AUTS2: variants seen among roughly 807,000 people sequenced by gnomAD.
AUTS2 encodes the protein activator of transcription and developmental regulator AUTS2, also known as autism susceptibility gene 2 protein.
Under a neutral mutation model 112.4 loss-of-function variants are expected in AUTS2, and 17 were observed. The ratio of observed to expected loss-of-function variants is 0.15; its 90% CI spans 0.10 to 0.23. The LOEUF is 0.23. Ranked by LOEUF, AUTS2 falls within the 10% of genes least tolerant of loss-of-function variation. The pLI is 1.00. For missense variants in AUTS2, 1,510 were observed against 1,701.6 expected, an observed-to-expected ratio of 0.89 and a Z score of 1.98; for synonymous variants, 751 against 702.7, an observed-to-expected ratio of 1.07 and a Z score of -1.09.
At chr7:69,775,169 CCT>C (rs1311604579) in intron 1 of AUTS2, among the ~76,000 whole-genome samples, 9 of 151,946 alleles carry the variant, frequency 5.9e-5, no homozygotes, top group African/African-American at 2.2e-4. Flanking sequence ...TATGTTTTTG[CCT>C]CTCTCACTTA....
At chr7:70,760,008 ATT>A (rs879791608) in intron 6 of AUTS2, among the ~76,000 whole-genome samples, 4 of 144,324 alleles carry the variant, frequency 2.8e-5, no homozygotes, top group Admixed American at 6.9e-5. Flanking sequence ...ATACAAAAAG[ATT>A]TTTTTTTTTT....
Position 69,599,757 on chromosome 7 carries a change from C to CCGG in AUTS2, c.114_116dup (p.Gly39dup), listed in dbSNP as rs1366255788. On this transcript the variant is annotated inframe_insertion, in exon 1 of 19. Coordinates refer to ENST00000342771, the MANE Select transcript of AUTS2 (RefSeq NM_015570.4). The surrounding 1 kb of genome is among the most constrained non-coding windows in gnomAD (Gnocchi z 7.0). ...CGGGGCGGGCTGGGGGCCGGCGCGGCCGGCGGCGGCGGGGCTGGCCGGACC... is the reference window on the plus strand; with the variant it reads ...CGGGGCGGGCTGGGGGCCGGCGCGGCCGGCGGCGGCGGCGGGGCTGGCCGGACC... The CCGG allele has an allele frequency of 2.0e-5, 27 of 1,370,846 alleles. No individual in the cohort carries two copies. The highest frequency in any genetic ancestry group is 1.1e-4 in the African/African-American group (7 of 65,482). The allele number at this position is 1,370,846 out of a possible 1,614,324, so 84.9% of individuals were successfully genotyped here. A position where few individuals can be genotyped will look rare whatever the true frequency, so the allele number is the denominator to read the frequency against.
At chr7:69,899,941 G>A (rs10266476) in intron 2 of AUTS2, among the ~76,000 whole-genome samples, 258 of 152,258 alleles carry the variant, frequency 1.7e-3, no homozygotes, top group African/African-American at 2.4e-3. Context: ...TATATTTTCC[G>A]GGGAAGCTCA....
intron 4 of AUTS2, among the ~76,000 whole-genome samples, chr7:70,190,289 T>C (rs1379350973): frequency 6.6e-6 from 1 of 152,218 alleles, no homozygotes; most frequent in Non-Finnish European, 1.5e-5. Flanking sequence ...TTTGCCAAGA[T>C]AGATGTTTGA....
chr7:69,690,562 G>T (rs1348063578), intron 1 of AUTS2, among the ~76,000 whole-genome samples: 1 of 152,186 alleles, frequency 6.6e-6, no homozygotes, highest in East Asian at 1.9e-4. Flanking sequence ...CTGGCTGTGG[G>T]GTGGGCAGCT....
intron 4 of AUTS2, among the ~76,000 whole-genome samples, chr7:70,295,806 C>G (rs1015411456): frequency 6.6e-6 from 1 of 152,046 alleles, no homozygotes; most frequent in Non-Finnish European, 1.5e-5. Flanking sequence ...CTGGGCTTCC[C>G]TATGTATGTT....
intron 1 of AUTS2, among the ~76,000 whole-genome samples, chr7:69,621,463 G>A (rs924389706): frequency 7.0e-6 from 1 of 143,486 alleles, no homozygotes; most frequent in African/African-American, 2.6e-5. Context: ...TATTACAGAT[G>A]AGAAAATAGA....
At chr7:70,439,400 G>A (rs766074840) in intron 5 of AUTS2, among the ~76,000 whole-genome samples, 8 of 152,020 alleles carry the variant, frequency 5.3e-5, no homozygotes, top group Non-Finnish European at 8.8e-5. Context: ...TTAGCCGGGC[G>A]TGGTAGCACG....
chr7:69,939,812 C>T (rs563699203), intron 2 of AUTS2, among the ~76,000 whole-genome samples: 1 of 152,142 alleles, frequency 6.6e-6, no homozygotes, highest in African/African-American at 2.4e-5. Flanking sequence ...GCATTTTTTA[C>T]AGCTTCATAG....
chr7:70,351,225 A>G (rs1054631579), intron 4 of AUTS2, among the ~76,000 whole-genome samples: 4 of 150,416 alleles, frequency 2.7e-5, no homozygotes, highest in African/African-American at 9.8e-5. Flanking sequence ...TAATTTTTGT[A>G]TTTTTTTTAG....
chr7:69,885,756 G>T (rs1584392741), intron 1 of AUTS2, among the ~76,000 whole-genome samples: 1 of 152,154 alleles, frequency 6.6e-6, no homozygotes, highest in Non-Finnish European at 1.5e-5. Context: ...AGCTATTAGA[G>T]AATTCAATGA....
chr7:69,616,704 G>A (rs1193405996), intron 1 of AUTS2, among the ~76,000 whole-genome samples: 1 of 152,162 alleles, frequency 6.6e-6, no homozygotes, highest in African/African-American at 2.4e-5. Context: ...CAGAAATAAT[G>A]TGGATTTGGG....
At chr7:69,959,367 A>G (rs1797341717) in intron 2 of AUTS2, among the ~76,000 whole-genome samples, 1 of 152,154 alleles carries the variant, frequency 6.6e-6, no homozygotes, top group African/African-American at 2.4e-5. Context: ...GGGAAGTTTT[A>G]TTTTTCTCAT....
chr7:70,195,428 C>T (rs1390069390), intron 4 of AUTS2, among the ~76,000 whole-genome samples: 3 of 152,252 alleles, frequency 2.0e-5, no homozygotes, highest in Non-Finnish European at 1.5e-5. Context: ...GGGCATATCC[C>T]TTGAGGTCAG....
chr7:70,379,877 G>T (rs1793290339), intron 4 of AUTS2, among the ~76,000 whole-genome samples: 1 of 152,158 alleles, frequency 6.6e-6, no homozygotes, highest in African/African-American at 2.4e-5. Flanking sequence ...AGAATTTTTG[G>T]TTGGCTTATT....
chr7:69,699,634 A>G (rs1797719067), intron 1 of AUTS2, among the ~76,000 whole-genome samples: 1 of 147,930 alleles, frequency 6.8e-6, no homozygotes, highest in African/African-American at 2.5e-5. Context: ...TGCTGCAGTG[A>G]TAATGTTTTT....
chr7:70,283,562 G>A (rs751914283), intron 4 of AUTS2, among the ~76,000 whole-genome samples: 6 of 152,054 alleles, frequency 3.9e-5, no homozygotes, highest in Admixed American at 6.5e-5. Flanking sequence ...ATATATGTAT[G>A]TATACACACA....
At chr7:70,692,274 C>T (rs916015761) in intron 5 of AUTS2, among the ~76,000 whole-genome samples, 6 of 152,330 alleles carry the variant, frequency 3.9e-5, no homozygotes, top group Non-Finnish European at 8.8e-5. Flanking sequence ...GCCATGCCAT[C>T]GTGCTCTCAG....
chr7:69,689,639 CTTTTATTT>C (rs773394020), intron 1 of AUTS2, among the ~76,000 whole-genome samples: 5 of 133,746 alleles, frequency 3.7e-5, no homozygotes, highest in Admixed American at 1.6e-4. Flanking sequence ...CGCACCCGGC[CTTTTATTT>C]ATTTATTTAT....
Sources: gnomAD v4.1 joint callset for allele counts (sites outside exome capture counted in the v4.1 genomes callset) on GRCh38, gnomAD v4.1.1 for gene constraint, Gnocchi (gnomAD v3.1) non-coding constraint, MANE v1.5 for transcripts, NCBI Gene and HGNC (gene_info 2026-07-23, HGNC 2026-07-21) for gene names.